The following MEI4 variants were observed in gnomAD, a reference collection of about 807,000 sequenced individuals.
The protein encoded by MEI4 is meiotic double-stranded break formation protein 4.
Under a neutral mutation model 31.4 loss-of-function variants are expected in MEI4, and 27 were observed. The observed-to-expected ratio is 0.86, with a 90% CI of 0.63 to 1.19. MEI4 has a LOEUF of 1.19. MEI4 is among the 50% of genes most tolerant of loss of function. The pLI, the probability that MEI4 is intolerant of heterozygous loss-of-function variation, is 0.00. For missense variants in MEI4, 329 were observed against 398.9 expected, an observed-to-expected ratio of 0.82 and a Z score of 1.49; for synonymous variants, 122 against 145.4, an observed-to-expected ratio of 0.84 and a Z score of 1.16.
chr6:77,798,412 G>T (rs1214043895), intron 3 of MEI4, among the ~76,000 whole-genome samples: 1 of 151,584 alleles, frequency 6.6e-6, no homozygotes, highest in Non-Finnish European at 1.5e-5. Flanking sequence ...CTAATTAAAA[G>T]AGATTGTCAA....
chr6:77,882,904 T>C (rs1400264361), intron 4 of MEI4, among the ~76,000 whole-genome samples: 2 of 152,218 alleles, frequency 1.3e-5, no homozygotes, highest in Admixed American at 1.3e-4. Context: ...AATCTCAGAC[T>C]AAAATTAAGA....
intron 2 of MEI4, among the ~76,000 whole-genome samples, chr6:77,732,980 C>G (rs1322440121): frequency 1.3e-5 from 2 of 151,292 alleles, no homozygotes; most frequent in East Asian, 2.1e-4. Context: ...ATGAAGCCCA[C>G]TTGATGATGG....
At chr6:77,897,916 C>T (rs896836044) in intron 4 of MEI4, among the ~76,000 whole-genome samples, 14 of 151,916 alleles carry the variant, frequency 9.2e-5, no homozygotes, top group African/African-American at 3.1e-4. Flanking sequence ...TCAGTATAGG[C>T]CCAACACCTA....
At chr6:77,798,842 G>A (rs1470679421) in intron 3 of MEI4, among the ~76,000 whole-genome samples, 32 of 151,766 alleles carry the variant, frequency 2.1e-4, no homozygotes, top group East Asian at 5.8e-4. Flanking sequence ...TTATGGCTGC[G>A]TAGTATTCCA....
intron 2 of MEI4, among the ~76,000 whole-genome samples, chr6:77,702,719 C>T (rs1489692820): frequency 2.0e-5 from 3 of 152,184 alleles, no homozygotes; most frequent in Non-Finnish European, 2.9e-5. Flanking sequence ...AACTGGACTA[C>T]AGACTTTTCC....
intron 4 of MEI4, among the ~76,000 whole-genome samples, chr6:77,868,503 A>G (rs1285255499): frequency 1.6e-5 from 1 of 61,632 alleles, no homozygotes; most frequent in Admixed American, 1.6e-4. Flanking sequence ...AAAATACTAC[A>G]TATATATATA....
Position 77,825,871 on chromosome 6 carries a change from T to C in MEI4, c.769-3060T>C, listed in dbSNP as rs529374026. Among the ~76,000 whole-genome samples, 3 of 152,322 alleles carry C rather than the reference T, an allele frequency of 2.0e-5. No individual in the cohort carries two copies. The South Asian group carries it at 6.2e-4, about 32-fold the overall frequency. On this transcript the variant is annotated intron_variant, in intron 3 of 4. Transcript: ENST00000684080. ...TTATTTAAAAAACATTATAGTAGGG[T>C]TAAGTGCTGTGGTATGCTGTTAGAG... is the stretch of plus-strand genomic sequence containing the variant.
intron 3 of MEI4, among the ~76,000 whole-genome samples, chr6:77,803,063 G>C (rs960485129): frequency 4.6e-5 from 7 of 152,222 alleles, no homozygotes; most frequent in African/African-American, 1.7e-4. Context: ...ATCCTGCAGA[G>C]TGTTTTCCAA....
intron 2 of MEI4, among the ~76,000 whole-genome samples, chr6:77,697,497 T>A (rs1007488570): frequency 2.0e-5 from 3 of 152,248 alleles, no homozygotes; most frequent in Non-Finnish European, 2.9e-5. Context: ...AAAGAACATC[T>A]TTATTTCTCC....
At chr6:77,735,181 G>C in intron 2 of MEI4, among the ~76,000 whole-genome samples, 2 of 151,984 alleles carry the variant, frequency 1.3e-5, no homozygotes, top group East Asian at 3.8e-4. Flanking sequence ...ATGTTGGCCT[G>C]CCTTGCTAGA....
chr6:77,827,430 C>T (rs968626523), intron 3 of MEI4, among the ~76,000 whole-genome samples: 3 of 150,894 alleles, frequency 2.0e-5, no homozygotes, highest in Admixed American at 2.0e-4. Flanking sequence ...GTGGGATGAG[C>T]CAGCACTCTG....
Position 77,845,833 on chromosome 6 carries a change from T to C in MEI4, c.900+16771T>C, listed in dbSNP as rs879537443. On this transcript the variant is annotated intron_variant, in intron 4 of 4. Transcript: ENST00000684080. ...AAGTTCAAAAGTAAAACTGTGTAGA[T>C]TTTCATTGAGATATTTGTTGAGTGC... Among the ~76,000 whole-genome samples the C allele has an allele frequency of 9.2e-5, 14 of 151,932 alleles. 1 individual carries two copies. Among genetic ancestry groups the C allele is most frequent in the Middle Eastern group, 3.4e-3 (1 of 294 alleles).
At chr6:77,782,815 T>C (rs182122421) in intron 3 of MEI4, among the ~76,000 whole-genome samples, 25 of 152,318 alleles carry the variant, frequency 1.6e-4, no homozygotes, top group Admixed American at 1.6e-3. Context: ...AATAACTTAA[T>C]AGATATATGC....
intron 3 of MEI4, among the ~76,000 whole-genome samples, chr6:77,785,450 G>T (rs554616286): frequency 1.3e-5 from 2 of 152,202 alleles, no homozygotes; most frequent in African/African-American, 4.8e-5. Context: ...GAAAGTCATA[G>T]CAGAAAGAAT....
Position 77,761,639 on chromosome 6 carries a change from A to G in MEI4, c.742A>G (p.Ile248Val), listed in dbSNP as rs1422644319. The G allele has an allele frequency of 2.8e-5, 34 of 1,231,592 alleles. No individual in the cohort carries two copies. The highest frequency in any genetic ancestry group is 9.5e-5 in the East Asian group (3 of 31,668). The allele number at this position is 1,231,592 out of a possible 1,614,324, so 76.3% of individuals were successfully genotyped here. A position where few individuals can be genotyped will look rare whatever the true frequency, so the allele number is the denominator to read the frequency against. ...ATTTGAGAAAACCCTACTACATGCT[A>G]TTTTAGGAAACAATCATATAAATCA... ...EEFEKTLLHAILGNNHINQFQ... is the reference protein window; with the variant it reads ...EEFEKTLLHAVLGNNHINQFQ... The change falls in exon 3 of 5, where the codon ATT (isoleucine) becomes GTT (valine). Residue 248 changes from isoleucine to valine, a missense_variant. Coordinates refer to ENST00000684080, the MANE Select transcript of MEI4 (RefSeq NM_001322247.2).
intron 4 of MEI4, among the ~76,000 whole-genome samples, chr6:77,881,046 T>A (rs1473853): frequency 0.29 from 44,376 of 151,434 alleles, 7,062 homozygotes; most frequent in South Asian, 0.38. Context: ...TTTTTTGACA[T>A]CTGAAAGTAT....
chr6:77,913,392 A>G (rs1187905799), intron 4 of MEI4, among the ~76,000 whole-genome samples: 5 of 152,190 alleles, frequency 3.3e-5, no homozygotes, highest in African/African-American at 9.6e-5. Flanking sequence ...GGTAGAGTTC[A>G]ACAGTGAAGC....
chr6:77,836,167 G>A (rs1770215174), intron 4 of MEI4, among the ~76,000 whole-genome samples: 1 of 152,056 alleles, frequency 6.6e-6, no homozygotes, highest in Non-Finnish European at 1.5e-5. Context: ...TGTCAGACAT[G>A]TATTGATTTA....
At chr6:77,855,160 T>C (rs1322666567) in intron 4 of MEI4, among the ~76,000 whole-genome samples, 1 of 151,972 alleles carries the variant, frequency 6.6e-6, no homozygotes, top group Non-Finnish European at 1.5e-5. Context: ...CTGACCAACA[T>C]GGGGAAACCC....
Sources: allele counts gnomAD v4.1 joint callset (sites outside exome capture counted in the v4.1 genomes callset), GRCh38; gene constraint gnomAD v4.1.1; transcripts MANE v1.5; gene names NCBI Gene and HGNC (gene_info 2026-07-23, HGNC 2026-07-21).